Variants in GSG1L observed in about 807,000 individuals in gnomAD.
GSG1L encodes the protein GSG1 like, also known as germ cell-specific gene 1-like protein.
Under a neutral mutation model 42.1 loss-of-function variants are expected in GSG1L, and 24 were observed. The ratio of observed to expected loss-of-function variants is 0.57; its 90% CI spans 0.41 to 0.80. The LOEUF is 0.80. Among genes scored for constraint, GSG1L ranks in the 30% least tolerant of loss-of-function variants. The pLI is 0.00. For synonymous variants in GSG1L, 215 were observed against 203.5 expected, an observed-to-expected ratio of 1.06 and a Z score of -0.48; for missense variants, 445 against 472.2, an observed-to-expected ratio of 0.94 and a Z score of 0.53.
At chr16:28,002,381 G>A (rs898170254) in intron 1 of GSG1L, among the ~76,000 whole-genome samples, 1 of 152,196 alleles carries the variant, frequency 6.6e-6, no homozygotes, top group Non-Finnish European at 1.5e-5. Flanking sequence ...AGCACTATGG[G>A]AGACCAACAC....
chr16:27,848,129 G>T (rs2083464113), intron 3 of GSG1L, among the ~76,000 whole-genome samples: 1 of 152,142 alleles, frequency 6.6e-6, no homozygotes, highest in Admixed American at 6.6e-5. Context: ...ACAGCACTAG[G>T]CACAAAATAA....
chr16:27,909,035 G>A (rs915825011), intron 2 of GSG1L, among the ~76,000 whole-genome samples: 4 of 152,090 alleles, frequency 2.6e-5, no homozygotes, highest in African/African-American at 9.7e-5. Flanking sequence ...GTAGGGACCT[G>A]GGGCCCATCA....
chr16:27,807,621 C>T, intron 5 of GSG1L, 67 bp from the exon 6 acceptor site: 2 of 1,387,212 alleles, frequency 1.4e-6, no homozygotes, highest in Non-Finnish European at 2.0e-6. Flanking sequence ...GGCAGAGACC[C>T]AAAACCTGAA....
chr16:27,947,029 C>T (rs1440451413), intron 2 of GSG1L, among the ~76,000 whole-genome samples: 1 of 152,204 alleles, frequency 6.6e-6, no homozygotes, highest in Non-Finnish European at 1.5e-5. Context: ...GAGGCCCCAC[C>T]ACTAGAGAGC....
At chr16:27,934,136 C>T (rs1445103638) in intron 2 of GSG1L, among the ~76,000 whole-genome samples, 1 of 152,198 alleles carries the variant, frequency 6.6e-6, no homozygotes, top group Admixed American at 6.5e-5. Flanking sequence ...GTCATTAGTT[C>T]CATTTGCAAG....
At chr16:27,819,073 C>T (rs538563379) in intron 5 of GSG1L, among the ~76,000 whole-genome samples, 1 of 152,168 alleles carries the variant, frequency 6.6e-6, no homozygotes, top group African/African-American at 2.4e-5. Flanking sequence ...CAAGGTGAAA[C>T]CCCGTCTCTA....
At chr16:27,797,537 AAAGG>A (rs2082832074) in intron 6 of GSG1L, among the ~76,000 whole-genome samples, 2 of 102,336 alleles carry the variant, frequency 2.0e-5, no homozygotes, top group South Asian at 3.1e-4. Flanking sequence ...AAAAAAAAAA[AAAGG>A]GCCGGGCGCG....
At chr16:27,811,542 G>C (rs931516365) in intron 5 of GSG1L, among the ~76,000 whole-genome samples, 2 of 152,172 alleles carry the variant, frequency 1.3e-5, no homozygotes, top group Admixed American at 6.5e-5. Flanking sequence ...GTCAACAGAG[G>C]CCTGTCCTAT....
chr16:27,849,197 C>CCA (rs749482143), intron 3 of GSG1L, among the ~76,000 whole-genome samples: 13 of 113,622 alleles, frequency 1.1e-4, no homozygotes, highest in African/African-American at 4.2e-4. Context: ...GCCTCTATCC[C>CCA]AAAAAGAAAA....
At chr16:27,930,208 T>C (rs375230659) in intron 2 of GSG1L, among the ~76,000 whole-genome samples, 6 of 152,102 alleles carry the variant, frequency 3.9e-5, no homozygotes, top group South Asian at 2.1e-4. Context: ...CACTTCCTCA[T>C]TGAGAAACCA....
chr16:27,936,414 G>A (rs1290367591), intron 2 of GSG1L, among the ~76,000 whole-genome samples: 7 of 152,110 alleles, frequency 4.6e-5, no homozygotes, highest in African/African-American at 7.2e-5. Flanking sequence ...CACTCTATTC[G>A]TTTCTGCAGG....
At chr16:27,979,132 G>A (rs559004969) in intron 1 of GSG1L, among the ~76,000 whole-genome samples, 36 of 152,114 alleles carry the variant, frequency 2.4e-4, no homozygotes, top group African/African-American at 7.7e-4. Context: ...AAATCAGAGC[G>A]CCTTCCATCC....
rs35834009 is a variant in GSG1L at position 27,884,415 on chromosome 16, AGG to A, written c.550+69_550+70del. The A allele has an allele frequency of 4.9e-6, 7 of 1,437,264 alleles. No individual in the cohort carries two copies. The highest frequency in any genetic ancestry group is 6.6e-6 in the Non-Finnish European group (7 of 1,058,394). The allele number at this position is 1,437,264 out of a possible 1,614,324, so 89.0% of individuals were successfully genotyped here. On this transcript the variant is annotated intron_variant, in intron 3 of 6. Coordinates refer to ENST00000447459, the MANE Select transcript of GSG1L (RefSeq NM_001109763.2). The surrounding 1 kb of genome is among the most constrained non-coding windows in gnomAD (Gnocchi z 4.4). ...CCAATGCCTCCCGGTTGGTACAACC[AGG>A]GCTTACTCCAAGGGCAGCACCCTTT...
intron 1 of GSG1L, among the ~76,000 whole-genome samples, chr16:27,971,841 C>T (rs2085196965): frequency 6.6e-6 from 1 of 152,072 alleles, no homozygotes; most frequent in Non-Finnish European, 1.5e-5. Context: ...CTTTGTTGAG[C>T]AGTTTTATCA....
intron 1 of GSG1L, among the ~76,000 whole-genome samples, chr16:27,986,325 C>G (rs1383453876): frequency 1.3e-5 from 2 of 151,964 alleles, no homozygotes; most frequent in African/African-American, 4.8e-5. Flanking sequence ...TATGGGGAAA[C>G]CCCATCTCTA....
At chr16:27,797,655 T>C (rs1046220735) in intron 6 of GSG1L, among the ~76,000 whole-genome samples, 6 of 149,812 alleles carry the variant, frequency 4.0e-5, no homozygotes, top group African/African-American at 1.5e-4. Context: ...ACCCCATCTC[T>C]CCTAAAAATA....
At chr16:27,948,576 G>A (rs1312634850) in intron 2 of GSG1L, among the ~76,000 whole-genome samples, 1 of 141,406 alleles carries the variant, frequency 7.1e-6, no homozygotes, top group Admixed American at 7.2e-5. Flanking sequence ...ATTCCACCAT[G>A]TTGGCCAGGC....
At chr16:28,052,656 C>A (rs2086233177) in intron 1 of GSG1L, among the ~76,000 whole-genome samples, 4 of 152,242 alleles carry the variant, frequency 2.6e-5, no homozygotes, top group Admixed American at 2.0e-4. Flanking sequence ...GAGCCCCCCA[C>A]TGACCTGCTA....
At chr16:27,861,612 C>G (rs938300348) in intron 3 of GSG1L, among the ~76,000 whole-genome samples, 1 of 152,140 alleles carries the variant, frequency 6.6e-6, no homozygotes, top group Non-Finnish European at 1.5e-5. Context: ...ACCAGTAGTG[C>G]ACTGATAGAT....
Sources: allele counts gnomAD v4.1 joint callset (sites outside exome capture counted in the v4.1 genomes callset), GRCh38; gene constraint gnomAD v4.1.1; non-coding constraint Gnocchi (gnomAD v3.1); transcripts MANE v1.5; gene names NCBI Gene and HGNC (gene_info 2026-07-23, HGNC 2026-07-21).